The following WWTR1 variants were observed in gnomAD, a reference collection of about 807,000 sequenced individuals.
The protein encoded by WWTR1 is WW domain-containing transcription regulator protein 1.
In WWTR1, 13 loss-of-function variants were observed where a neutral mutation model predicts 40.1. The observed-to-expected ratio is 0.32, with a 90% CI of 0.21 to 0.52. The LOEUF (loss-of-function observed/expected upper bound fraction) is 0.52. WWTR1 is among the 20% of genes least tolerant of loss of function. WWTR1 has a pLI of 0.97. For synonymous variants in WWTR1, 230 were observed against 210.1 expected, an observed-to-expected ratio of 1.09 and a Z score of -0.82; for missense variants, 436 against 523.1, an observed-to-expected ratio of 0.83 and a Z score of 1.63.
At chr3:149,591,410 G>A (rs890613278) in intron 2 of WWTR1, among the ~76,000 whole-genome samples, 1 of 152,034 alleles carries the variant, frequency 6.6e-6, no homozygotes, top group Non-Finnish European at 1.5e-5. Context: ...ATATCATATT[G>A]CCTTTAGTTT....
Position 149,697,456 on chromosome 3 carries a change from G to A in WWTR1, c.-108+5668C>T, listed in dbSNP as rs549273633. 1.3e-4 allele frequency among the ~76,000 whole-genome samples: 20 copies of A among 152,102 alleles called. No homozygotes were observed. In the East Asian group the frequency reaches 3.7e-3, roughly 28 times the overall value. On this transcript the variant is annotated intron_variant, in intron 1 of 7. Transcript: ENST00000465804. ...AAAATTGAAAAGGACACAAATAAAT[G>A]GAAATATATTCCATGTTCATGGACT...
Position 149,665,472 on chromosome 3 carries a change from G to A in WWTR1, c.-4+4316C>T, listed in dbSNP as rs34362021. Among the ~76,000 whole-genome samples, 385 of 151,956 alleles carry A rather than the reference G, an allele frequency of 2.5e-3. 1 individual carries two copies. Among genetic ancestry groups the A allele is most frequent in the Non-Finnish European group, 4.0e-3 (273 of 67,934 alleles). ...GATCTCCTGACCTCATGATCTGCCC[G>A]CCTCAGCCTCCCAAAGTGCTGGGAT... On this transcript the variant is annotated intron_variant, in intron 2 of 7. Coordinates refer to the WWTR1 transcript ENST00000465804.
chr3:149,539,640 C>T lies in WWTR1; in HGVS notation c.771+2695G>A, dbSNP rs948875046. ...AAGTGTACAGATAATCTTTAAATTT[C>T]ACCAGAACCACCACTTCCCCCATCT... On this transcript the variant is annotated intron_variant, in intron 4 of 6. Coordinates refer to ENST00000360632, the MANE Select transcript of WWTR1 (RefSeq NM_015472.6). Among the ~76,000 whole-genome samples the T allele has an allele frequency of 1.5e-4, 23 of 152,206 alleles. 1 individual carries two copies. The highest frequency in any genetic ancestry group is 2.9e-5 in the Non-Finnish European group (2 of 68,038).
chr3:149,521,250 T>C (rs984499892), intron 6 of WWTR1, among the ~76,000 whole-genome samples: 4 of 152,206 alleles, frequency 2.6e-5, no homozygotes, highest in East Asian at 1.9e-4. Flanking sequence ...TGCCTTCCCA[T>C]GACAAAGGTG....
intron 3 of WWTR1, among the ~76,000 whole-genome samples, chr3:149,546,660 T>C (rs1264119507): frequency 6.6e-6 from 1 of 152,214 alleles, no homozygotes; most frequent in African/African-American, 2.4e-5. Flanking sequence ...TATCATTTAA[T>C]GTAAAACATA....
At chr3:149,604,830 A>C (rs939706885) in intron 2 of WWTR1, among the ~76,000 whole-genome samples, 3 of 152,262 alleles carry the variant, frequency 2.0e-5, no homozygotes, top group Non-Finnish European at 4.4e-5. Flanking sequence ...TGCCAGGAAA[A>C]ACCAGGCATA....
intron 2 of WWTR1, among the ~76,000 whole-genome samples, chr3:149,594,060 G>A (rs1331836700): frequency 1.3e-5 from 2 of 151,954 alleles, no homozygotes; most frequent in Non-Finnish European, 2.9e-5. Context: ...TTCAATTTGT[G>A]CAAATTCATC....
At chr3:149,526,420 A>AC (rs1326501022) in intron 5 of WWTR1, among the ~76,000 whole-genome samples, 1 of 152,124 alleles carries the variant, frequency 6.6e-6, no homozygotes, top group Non-Finnish European at 1.5e-5. Context: ...TTAAAAAAAA[A>AC]AAACAAAAAC....
chr3:149,630,847 TAGA>T (rs1711524811), intron 2 of WWTR1, among the ~76,000 whole-genome samples: 2 of 152,244 alleles, frequency 1.3e-5, no homozygotes, highest in East Asian at 3.8e-4. Flanking sequence ...AATTTGCATT[TAGA>T]TGTAGCAAAC....
chr3:149,670,259 GTGCGTACAGAC>G (rs1202135171), intron 1 of WWTR1, among the ~76,000 whole-genome samples: 1 of 152,162 alleles, frequency 6.6e-6, no homozygotes, highest in African/African-American at 2.4e-5. Context: ...TTTTATCACA[GTGCGTACAGAC>G]TGCATCACAC....
In WWTR1 at chr3:149,520,549, T is replaced by C. The variant is rs1360239163; in HGVS notation, c.*256A>G. On this transcript the variant is annotated 3_prime_UTR_variant, in exon 7 of 7. Transcript: ENST00000360632. ...GAAAAGTATTCTGCATAATCAATCC[T>C]GCAGACACAATTCTGTATAATCTGT... The C allele has an allele frequency of 1.2e-5, 4 of 335,602 alleles. No individual in the cohort carries two copies. Among genetic ancestry groups the C allele is most frequent in the Non-Finnish European group, 2.1e-5 (4 of 188,198 alleles). The allele number at this position is 335,602 out of a possible 1,614,324, so 20.8% of individuals were successfully genotyped here.
At chr3:149,610,040 C>A (rs1739661505) in intron 2 of WWTR1, among the ~76,000 whole-genome samples, 2 of 152,114 alleles carry the variant, frequency 1.3e-5, no homozygotes. Context: ...AGAAAAGTAG[C>A]TAGTAGTGAG....
intron 2 of WWTR1, among the ~76,000 whole-genome samples, chr3:149,649,257 G>T (rs10935769): frequency 0.41 from 62,453 of 152,022 alleles, 13,238 homozygotes; most frequent in Middle Eastern, 0.6. Flanking sequence ...CTCCCAAAGT[G>T]CTGGGATTAC....
chr3:149,706,692 A>G (rs979898531), upstream of WWTR1, among the ~76,000 whole-genome samples: 12 of 152,204 alleles, frequency 7.9e-5, no homozygotes, highest in Admixed American at 7.2e-4. Flanking sequence ...TTTGAGCAAG[A>G]GGGAACAAGG....
At chr3:149,532,609 T>G (rs1735639088) in intron 4 of WWTR1, among the ~76,000 whole-genome samples, 1 of 152,082 alleles carries the variant, frequency 6.6e-6, no homozygotes, top group Non-Finnish European at 1.5e-5. Context: ...CTATTCCAAC[T>G]CATGAACTGA....
chr3:149,676,139 A>AC (rs909332119), intron 1 of WWTR1, among the ~76,000 whole-genome samples: 9 of 152,138 alleles, frequency 5.9e-5, no homozygotes, highest in African/African-American at 2.2e-4. Flanking sequence ...CAGGGGGAAA[A>AC]AATCACAAAT....
At position 149,542,541 on chromosome 3, in the gene WWTR1, C is replaced by CAAGAGGG. The variant is rs1339395794; in HGVS notation, c.569-11_569-5dup. 6.2e-7 allele frequency: 1 copy of CAAGAGGG among 1,608,110 alleles called. No individual in the cohort carries two copies. The highest frequency in any genetic ancestry group is 2.2e-5 in the East Asian group (1 of 44,706). On this transcript the variant is annotated splice_region_variant and splice_polypyrimidine_tract_variant and intron_variant, in intron 3 of 6. Coordinates refer to ENST00000360632, the MANE Select transcript of WWTR1 (RefSeq NM_015472.6). ...TGCTGGTGTTGGTGATTCATCACTG[C>CAAGAGGG]AAGAGGGAAGAACATACAGATTAAT...
intron 2 of WWTR1, among the ~76,000 whole-genome samples, chr3:149,608,219 C>T (rs1175783664): frequency 6.6e-6 from 1 of 151,814 alleles, no homozygotes; most frequent in African/African-American, 2.4e-5. Context: ...AAAGACTGCA[C>T]AAAATAGAAA....
chr3:149,544,268 G>A (rs917766672), intron 3 of WWTR1, among the ~76,000 whole-genome samples: 12 of 152,164 alleles, frequency 7.9e-5, no homozygotes, highest in African/African-American at 2.9e-4. Context: ...AGCTTTTCTA[G>A]AGAAGAATAG....
Sources: gnomAD v4.1 joint callset for allele counts (sites outside exome capture counted in the v4.1 genomes callset) on GRCh38, gnomAD v4.1.1 for gene constraint, MANE v1.5 for transcripts, NCBI Gene and HGNC (gene_info 2026-07-23, HGNC 2026-07-21) for gene names.